TENM4: variants seen among roughly 807,000 people sequenced by gnomAD.
TENM4 encodes teneurin-4.
TENM4 carries 82 observed loss-of-function variants against 243.3 expected under a neutral mutation model. The observed-to-expected ratio is 0.34, with a 90% CI of 0.28 to 0.40. TENM4 has a LOEUF of 0.40. Ranked by LOEUF, TENM4 falls within the 10% of genes least tolerant of loss-of-function variation. TENM4 has a pLI of 1.00. For missense variants in TENM4, 3,138 were observed against 3,673.3 expected (o/e 0.85, Z 3.77); for synonymous variants, 1,412 against 1,456.3 (o/e 0.97, Z 0.69).
intron 3 of TENM4, among the ~76,000 whole-genome samples, chr11:79,197,968 G>A (rs1555025970): frequency 2.6e-5 from 4 of 152,262 alleles, no homozygotes; most frequent in Middle Eastern, 6.8e-3. Flanking sequence ...AGAGGCCCAA[G>A]TTCATACCTG....
intron 3 of TENM4, among the ~76,000 whole-genome samples, chr11:79,165,106 T>C (rs901383649): frequency 2.0e-5 from 3 of 152,114 alleles, no homozygotes; most frequent in Non-Finnish European, 2.9e-5. Context: ...TAAACATGCT[T>C]GTACAAGTAT....
chr11:78,878,375 C>T (rs139439674), intron 9 of TENM4, among the ~76,000 whole-genome samples: 5 of 152,272 alleles, frequency 3.3e-5, no homozygotes, highest in East Asian at 3.9e-4. Flanking sequence ...AAACGATCCA[C>T]GTCACAGTCA....
Position 78,708,499 on chromosome 11 carries a change from C to T in TENM4, c.4071G>A (p.Lys1357=). The T allele has an allele frequency of 1.2e-6, 2 of 1,613,988 alleles. No individual in the cohort carries two copies. Among genetic ancestry groups the T allele is most frequent in the Admixed American group, 3.3e-5 (2 of 60,024 alleles). ...CATCCACGAAGTAGATCAGCCCAAACTTGTCCACTGTAATGCCTGGGGGCA... is the reference window on the plus strand; with the variant it reads ...CATCCACGAAGTAGATCAGCCCAAATTTGTCCACTGTAATGCCTGGGGGCA... ...LTNPRGITVD[K]FGLIYFVDGT... is the part of the protein sequence containing the mutation. Residue 1357 remains lysine (K), a synonymous_variant, in exon 27 of 34, where the codon AAG becomes AAA. Coordinates refer to ENST00000278550, the MANE Select transcript of TENM4 (RefSeq NM_001098816.3).
At position 78,814,303 on chromosome 11, in the gene TENM4, A is replaced by C; in HGVS notation, c.1774T>G (p.Cys592Gly). The C allele has an allele frequency of 6.5e-7, 1 of 1,550,272 alleles. No individual in the cohort carries two copies. Among genetic ancestry groups the C allele is most frequent in the Non-Finnish European group, 8.7e-7 (1 of 1,146,332 alleles). ...HCFLGFLGPDCGRASCPVLCS... is the reference protein window; with the variant it reads ...HCFLGFLGPDGGRASCPVLCS... ...AATGCAGAGTTCTCACCTCTGCCAC[A>C]GTCGGGGCCCAGGAAACCCAGGAAG... is the stretch of plus-strand genomic sequence containing the variant. Residue 592 changes from cysteine (C) to glycine (G), a missense_variant, in exon 13 of 34, where the codon TGT (cysteine) becomes GGT (glycine). Around this residue, in one of 2 missense-constraint regions of TENM4, gnomAD observed 2,467 missense variants for 3,059.1 expected, o/e 0.81. Coordinates refer to ENST00000278550, the MANE Select transcript of TENM4 (RefSeq NM_001098816.3).
At chr11:78,780,942 G>A (rs1856827410) in intron 16 of TENM4, among the ~76,000 whole-genome samples, 1 of 152,036 alleles carries the variant, frequency 6.6e-6, no homozygotes, top group East Asian at 1.9e-4. Context: ...AATCAAAAGG[G>A]ATTCCTTTGC....
At chr11:79,202,785 G>A (rs1863769431) in intron 3 of TENM4, among the ~76,000 whole-genome samples, 2 of 152,170 alleles carry the variant, frequency 1.3e-5, no homozygotes, top group Admixed American at 6.5e-5. Flanking sequence ...ACTGAGAGGA[G>A]GTGCTCATGG....
intron 2 of TENM4, among the ~76,000 whole-genome samples, chr11:79,284,458 G>T (rs1321451317): frequency 1.3e-5 from 2 of 152,176 alleles, no homozygotes; most frequent in Admixed American, 6.5e-5. Context: ...CAATAAGAAA[G>T]TCTTGTCAGG....
intron 12 of TENM4, among the ~76,000 whole-genome samples, chr11:78,838,669 A>G (rs1181441527): frequency 6.6e-6 from 1 of 152,216 alleles, no homozygotes; most frequent in Non-Finnish European, 1.5e-5. Flanking sequence ...AGGTACATGT[A>G]AGAAAAATGG....
intron 19 of TENM4, among the ~76,000 whole-genome samples, chr11:78,746,190 A>G (rs1856047860): frequency 1.3e-5 from 2 of 152,222 alleles, no homozygotes; most frequent in Non-Finnish European, 2.9e-5. Context: ...CCTCATGTAC[A>G]GGTGAGGTCA....
chr11:79,161,748 A>G (rs1277542716), intron 3 of TENM4, among the ~76,000 whole-genome samples: 1 of 152,214 alleles, frequency 6.6e-6, no homozygotes, highest in African/African-American at 2.4e-5. Flanking sequence ...GTTCTCTGTG[A>G]AAGGAGTTCA....
intron 4 of TENM4, among the ~76,000 whole-genome samples, chr11:79,135,285 C>T (rs1862085061): frequency 6.6e-6 from 1 of 151,886 alleles, no homozygotes; most frequent in South Asian, 2.1e-4. Context: ...CAAATCAAAA[C>T]CACAATGTGA....
At chr11:78,938,769 C>T (rs1856835085) in intron 6 of TENM4, among the ~76,000 whole-genome samples, 2 of 152,140 alleles carry the variant, frequency 1.3e-5, no homozygotes, top group Admixed American at 1.3e-4. Context: ...AGGAGGGTTA[C>T]ATTGGCTTTC....
In TENM4 at chr11:78,672,332, G is replaced by A; in HGVS notation, c.5497-3C>T. On this transcript the variant is annotated splice_region_variant and splice_polypyrimidine_tract_variant and intron_variant, in intron 30 of 33. Transcript: ENST00000278550. Reference sequence around the variant, plus strand: ...GATAGGAGATTTCGGTTGTGAACCTGGAGAAAGGGTTGGAAGGAAAGAGAA... The same window carrying A: ...GATAGGAGATTTCGGTTGTGAACCTAGAGAAAGGGTTGGAAGGAAAGAGAA... The A allele has an allele frequency of 6.2e-7, 1 of 1,605,076 alleles. No homozygotes were observed. Among genetic ancestry groups the A allele is most frequent in the Non-Finnish European group, 8.5e-7 (1 of 1,172,722 alleles).
At chr11:79,073,957 CGTTTTAGGCT>C (rs1483266068) in intron 4 of TENM4, among the ~76,000 whole-genome samples, 1 of 151,796 alleles carries the variant, frequency 6.6e-6, no homozygotes, top group East Asian at 2.0e-4. Flanking sequence ...GGCTGAGAAA[CGTTTTAGGCT>C]GTTAAATTGG....
intron 3 of TENM4, among the ~76,000 whole-genome samples, chr11:79,204,871 T>C (rs1191845916): frequency 6.6e-6 from 1 of 152,202 alleles, no homozygotes; most frequent in Non-Finnish European, 1.5e-5. Flanking sequence ...AAATGAGCTC[T>C]ATTACAGTCA....
At chr11:78,705,953 C>T (rs915343868) in intron 27 of TENM4, among the ~76,000 whole-genome samples, 4 of 152,204 alleles carry the variant, frequency 2.6e-5, no homozygotes, top group Non-Finnish European at 2.9e-5. Flanking sequence ...TATTCACATC[C>T]TATTACTAGC....
In TENM4 at chr11:78,840,725, T is replaced by C. The variant is rs75686497; in HGVS notation, c.1681+13379A>G. 8.0e-3 allele frequency among the ~76,000 whole-genome samples: 1,212 copies of C among 152,228 alleles called. 14 individuals are homozygous for C. The highest frequency in any genetic ancestry group is 0.027 in the African/African-American group (1,140 of 41,520). ...CCTGCAGCATCCTCAGTCTGAACTG[T>C]CTTCCCAGTGTTGTATGAAAGGAAA... is the stretch of plus-strand genomic sequence containing the variant. On this transcript the variant is annotated intron_variant, in intron 12 of 33. Transcript: ENST00000278550.
intron 12 of TENM4, among the ~76,000 whole-genome samples, chr11:78,849,170 A>C (rs1858471154): frequency 1.3e-5 from 2 of 152,236 alleles, no homozygotes; most frequent in African/African-American, 2.4e-5. Flanking sequence ...TGCTACCTGA[A>C]GAATGAAAAC....
Position 78,658,516 on chromosome 11 carries a change from A to G in TENM4, c.7852T>C (p.Tyr2618His). ...HFTIDGVDTHYFVKPGPSEGD... is the reference protein window; with the variant it reads ...HFTIDGVDTHHFVKPGPSEGD... Reference sequence around the variant, plus strand: ...TCTGAAGGTCCTGGTTTCACAAAGTAATGGGTATCCACCCCATCAATGGTG... The same window carrying G: ...TCTGAAGGTCCTGGTTTCACAAAGTGATGGGTATCCACCCCATCAATGGTG... Residue 2618 changes from tyrosine (Y) to histidine (H), a missense_variant, in exon 34 of 34, where the codon TAC (tyrosine) becomes CAC (histidine). This residue lies in a region of TENM4 where 2,467 missense variants were observed against 3,059.1 expected (regional missense o/e 0.81). Coordinates refer to ENST00000278550, the MANE Select transcript of TENM4 (RefSeq NM_001098816.3). 2 of 1,614,028 alleles carry G rather than the reference A, an allele frequency of 1.2e-6. No individual in the cohort carries two copies. Among genetic ancestry groups the G allele is most frequent in the Middle Eastern group, 1.6e-4 (1 of 6,062 alleles).
Sources: allele counts gnomAD v4.1 joint callset (sites outside exome capture counted in the v4.1 genomes callset), GRCh38; gene constraint gnomAD v4.1.1; regional missense constraint gnomAD v4.1.1; transcripts MANE v1.5; gene names NCBI Gene and HGNC (gene_info 2026-07-23, HGNC 2026-07-21).